Variants in ZNF214 observed in about 807,000 individuals in gnomAD.
ZNF214 encodes the protein BWSCR2-associated zinc finger protein 1.
Under a neutral mutation model 53.9 loss-of-function variants are expected in ZNF214, and 43 were observed. The ratio of observed to expected loss-of-function variants is 0.80; its 90% CI spans 0.63 to 1.03. ZNF214 has a LOEUF of 1.03. ZNF214 is among the 50% of genes least tolerant of loss of function. ZNF214 has a pLI of 0.00. For missense variants in ZNF214, 724 were observed against 719.1 expected (o/e 1.01, Z -0.08); for synonymous variants, 217 against 229.5 (o/e 0.95, Z 0.49).
rs1851214583 is a variant in ZNF214, at chr11:6,997,532, T to A, written c.*2330A>T. ...ATTTTTGCTTTTATCTTCTCCCATT[T>A]TGAAAGGTATATGCACTTTTTTTAG... On this transcript the variant is annotated 3_prime_UTR_variant, in exon 3 of 3. Transcript: ENST00000278314. Among the ~76,000 whole-genome samples the A allele has an allele frequency of 6.6e-6, 1 of 151,580 alleles. No individual in the cohort carries two copies. Among genetic ancestry groups the A allele is most frequent in the South Asian group, 2.1e-4 (1 of 4,824 alleles).
In ZNF214 at chr11:6,997,318, C is replaced by A. The variant is rs752239500; in HGVS notation, c.*2544G>T. 3.7e-4 allele frequency among the ~76,000 whole-genome samples: 56 copies of A among 151,824 alleles called. No homozygotes were observed. Among genetic ancestry groups the A allele is most frequent in the Admixed American group, 1.1e-3 (17 of 15,218 alleles). On this transcript the variant is annotated 3_prime_UTR_variant, in exon 3 of 3. Coordinates refer to ENST00000278314, the MANE Select transcript of ZNF214 (RefSeq NM_013249.4). ...ACCTTCACCTGGTCTCACATTTAAG[C>A]AATATCACATTTTCATCTGTTATAG...
In ZNF214 at chr11:7,001,054, A is replaced by G. The variant is rs778772180; in HGVS notation, c.629T>C (p.Leu210Pro). ...GTACTTTTCTTCCATTGAATCTCTC[A>G]GTAGGTCTTCTTGACATATCACCCC... ...YVGVICQEDLLRDSMEEKYCG... is the reference protein window; with the variant it reads ...YVGVICQEDLPRDSMEEKYCG... Residue 210 changes from leucine to proline, a missense_variant, in exon 3 of 3, where the codon CTG (leucine) becomes CCG (proline). Transcript: ENST00000278314. 2.5e-6 allele frequency: 4 copies of G among 1,613,316 alleles called. No homozygotes were observed. The highest frequency in any genetic ancestry group is 1.7e-4 in the Middle Eastern group (1 of 6,060).
intron 1 of ZNF214, among the ~76,000 whole-genome samples, chr11:7,016,306 T>A (rs1851765375): frequency 6.6e-6 from 1 of 152,198 alleles, no homozygotes; most frequent in Non-Finnish European, 1.5e-5. Context: ...GTGACAGACA[T>A]GCAATAAGCT....
chr11:7,019,275 G>T (rs1443394378), intron 1 of ZNF214, among the ~76,000 whole-genome samples: 1 of 152,146 alleles, frequency 6.6e-6, no homozygotes, highest in Non-Finnish European at 1.5e-5. Flanking sequence ...AGAAGCCTAT[G>T]AATGCTCTTG....
rs1440378272 is a variant in ZNF214 at position 6,998,301 on chromosome 11, G to C, written c.*1561C>G. 6.6e-6 allele frequency among the ~76,000 whole-genome samples: 1 copy of C among 151,730 alleles called. No individual in the cohort carries two copies. The highest frequency in any genetic ancestry group is 1.5e-5 in the Non-Finnish European group (1 of 67,834). ...TGTTTCTAAGGTTGCTTTAATACTG[G>C]TTTTGCCTAAAACTTAGTGACCATA... On this transcript the variant is annotated 3_prime_UTR_variant, in exon 3 of 3. Coordinates refer to ENST00000278314, the MANE Select transcript of ZNF214 (RefSeq NM_013249.4).
Position 7,000,991 on chromosome 11 carries a change from T to C in ZNF214, c.692A>G (p.Asn231Ser), listed in dbSNP as rs370791180. The change falls in exon 3 of 3, where the codon AAC (asparagine) becomes AGC (serine). Residue 231 changes from asparagine to serine, a missense_variant. Coordinates refer to ENST00000278314, the MANE Select transcript of ZNF214 (RefSeq NM_013249.4). ...CNKCKGIYYW[N>S]SRCVFHKRNQ... ...TCTCTTGTGGAAAACACACCGTGAG[T>C]TCCAATAATAAATTCCTTTACATTT... The C allele has an allele frequency of 6.2e-7, 1 of 1,612,902 alleles. No homozygotes were observed. Among genetic ancestry groups the C allele is most frequent in the African/African-American group, 1.3e-5 (1 of 74,848 alleles).
At chr11:7,017,725 C>T (rs981448883) in intron 1 of ZNF214, among the ~76,000 whole-genome samples, 121 of 141,838 alleles carry the variant, frequency 8.5e-4, no homozygotes, top group Non-Finnish European at 7.6e-4. Context: ...GGCGACAGAG[C>T]GAGACTCCGT....
intron 1 of ZNF214, among the ~76,000 whole-genome samples, chr11:7,006,220 A>G (rs953947085): frequency 6.6e-6 from 1 of 152,026 alleles, no homozygotes; most frequent in Non-Finnish European, 1.5e-5. Flanking sequence ...ACAAATGTCC[A>G]GGTTCATTCT....
intron 1 of ZNF214, among the ~76,000 whole-genome samples, chr11:7,019,446 T>C (rs1248975227): frequency 6.6e-6 from 1 of 152,212 alleles, no homozygotes; most frequent in Admixed American, 6.5e-5. Flanking sequence ...ATAGTATCTA[T>C]TCTCAAGGTA....
chr11:7,004,927 T>C (rs572380356), intron 1 of ZNF214, among the ~76,000 whole-genome samples: 1 of 152,200 alleles, frequency 6.6e-6, no homozygotes, highest in South Asian at 2.1e-4. Context: ...GTTTTAAGTA[T>C]TAAATAATTT....
At chr11:7,008,805 A>G (rs375405989) in intron 1 of ZNF214, among the ~76,000 whole-genome samples, 1 of 152,174 alleles carries the variant, frequency 6.6e-6, no homozygotes, top group Non-Finnish European at 1.5e-5. Flanking sequence ...CCAAGCTGAG[A>G]GCCAAATCAA....
Position 7,004,829 on chromosome 11 carries a change from C to A in ZNF214, c.-20-1974G>T, listed in dbSNP as rs191313831. Among the ~76,000 whole-genome samples, 125 of 152,220 alleles carry A rather than the reference C, an allele frequency of 8.2e-4. 1 individual carries two copies. The highest frequency in any genetic ancestry group is 2.7e-3 in the African/African-American group (114 of 41,562). ...AGATGACTACAGTCCCTGCTGACAG[C>A]TTCACTGCAACTTCATGAGACACCT... On this transcript the variant is annotated intron_variant, in intron 1 of 2. Coordinates refer to ENST00000278314, the MANE Select transcript of ZNF214 (RefSeq NM_013249.4).
chr11:7,004,074 AACTC>A (rs1351741641), intron 1 of ZNF214, among the ~76,000 whole-genome samples: 7 of 151,784 alleles, frequency 4.6e-5, no homozygotes, highest in African/African-American at 1.4e-4. Flanking sequence ...ATAAAAATAA[AACTC>A]AATCTGTAGT....
chr11:7,010,878 A>C (rs1402527529), intron 1 of ZNF214, among the ~76,000 whole-genome samples: 1 of 151,968 alleles, frequency 6.6e-6, no homozygotes, highest in African/African-American at 2.4e-5. Context: ...AACTATATAT[A>C]TAAGGATATT....
chr11:7,001,430 C>T lies in ZNF214; in HGVS notation c.253G>A (p.Glu85Lys), dbSNP rs1361598850. Reference protein sequence around the residue: ...AQMYENQNYGETVQGTDSKDL... With the variant: ...AQMYENQNYGKTVQGTDSKDL... ...TTGGAATCTGTCCCTTGAACAGTTT[C>T]CCCATAGTTCTGATTCTCATACATC... Residue 85 changes from glutamate (E) to lysine (K), a missense_variant, in exon 3 of 3, where the codon GAA becomes AAA. Glu to Lys is a moderately conservative substitution (Grantham distance 56, BLOSUM62 1). Transcript: ENST00000278314. 3 of 1,613,154 alleles carry T rather than the reference C, an allele frequency of 1.9e-6. No individual in the cohort carries two copies. The highest frequency in any genetic ancestry group is 3.3e-5 in the Admixed American group (2 of 59,936).
At chr11:7,016,916 A>G (rs1236692170) in intron 1 of ZNF214, among the ~76,000 whole-genome samples, 1 of 152,204 alleles carries the variant, frequency 6.6e-6, no homozygotes, top group Non-Finnish European at 1.5e-5. Flanking sequence ...CTATATAAGT[A>G]AAAGAAATGA....
intron 1 of ZNF214, among the ~76,000 whole-genome samples, chr11:7,019,509 A>G (rs10769752): frequency 0.58 from 88,039 of 151,952 alleles, 26,455 homozygotes; most frequent in East Asian, 0.74. Flanking sequence ...GTCCTCCCCT[A>G]CTTGCTAAAC....
Position 7,002,817 on chromosome 11 carries a change from C to A in ZNF214, c.19G>T (p.Asp7Tyr). The A allele has an allele frequency of 6.2e-7, 1 of 1,602,518 alleles. No individual in the cohort carries two copies. Among genetic ancestry groups the A allele is most frequent in the Non-Finnish European group, 8.5e-7 (1 of 1,175,710 alleles). Reference protein sequence around the residue: MAVTFEDVTIIFTWEEW... With the variant: MAVTFEYVTIIFTWEEW... ...TCCCATGTAAAAATAATAGTCACAT[C>A]TTCAAATGTTACTGCCATCTGGTCA... is the stretch of plus-strand genomic sequence containing the variant. The change falls in exon 2 of 3, where the codon GAT becomes TAT. Residue 7 changes from aspartate to tyrosine, a missense_variant. Transcript: ENST00000278314.
In ZNF214 at chr11:7,000,875, T is replaced by C. The variant is rs1224951558; in HGVS notation, c.808A>G (p.Ile270Val). 9 of 1,613,176 alleles carry C rather than the reference T, an allele frequency of 5.6e-6. No individual in the cohort carries two copies. The highest frequency in any genetic ancestry group is 1.3e-5 in the African/African-American group (1 of 74,988). The change falls in exon 3 of 3, where the codon ATA becomes GTA. Residue 270 changes from isoleucine to valine, a missense_variant. Coordinates refer to ENST00000278314, the MANE Select transcript of ZNF214 (RefSeq NM_013249.4). ...SDLYRHPRNH[I>V]GKKLYGCDEV... ...TCACATCCGTACAGCTTCTTACCTA[T>C]GTGGTTTCTTGGATGTCTATACAAG...
Sources: allele counts gnomAD v4.1 joint callset (sites outside exome capture counted in the v4.1 genomes callset), GRCh38; gene constraint gnomAD v4.1.1; transcripts MANE v1.5; gene names NCBI Gene and HGNC (gene_info 2026-07-23, HGNC 2026-07-21).